Variants in NTRK2 observed in about 807,000 individuals in gnomAD.
The protein encoded by NTRK2 is BDNF/NT-3 growth factors receptor.
NTRK2 carries 13 observed loss-of-function variants against 94.5 expected under a neutral mutation model. That is an observed-to-expected ratio of 0.14 (90% CI 0.09 to 0.22). NTRK2 has a LOEUF of 0.22. Among genes scored for constraint, NTRK2 ranks in the 10% least tolerant of loss-of-function variants. NTRK2 has a pLI of 1.00. For missense variants in NTRK2, 639 were observed against 1,071.2 expected, an observed-to-expected ratio of 0.60 and a Z score of 5.63; for synonymous variants, 372 against 407.4, an observed-to-expected ratio of 0.91 and a Z score of 1.05.
At chr9:84,838,980 C>G (rs1052791509) in intron 12 of NTRK2, among the ~76,000 whole-genome samples, 1 of 151,680 alleles carries the variant, frequency 6.6e-6, no homozygotes, top group Admixed American at 6.6e-5. Flanking sequence ...TGCACAAAGG[C>G]CTTGGGAGGT....
At chr9:84,709,762 G>A (rs1000713256) in intron 5 of NTRK2, among the ~76,000 whole-genome samples, 1 of 152,180 alleles carries the variant, frequency 6.6e-6, no homozygotes, top group Non-Finnish European at 1.5e-5. Flanking sequence ...AGGCCACTGA[G>A]TATTACAAAT....
chr9:84,703,386 T>G (rs1188714847), intron 4 of NTRK2, among the ~76,000 whole-genome samples: 3 of 152,232 alleles, frequency 2.0e-5, no homozygotes, highest in Non-Finnish European at 4.4e-5. Flanking sequence ...GTGAGAGAGT[T>G]CTAGGACTTG....
chr9:84,916,356 G>A (rs1221331191), intron 14 of NTRK2, among the ~76,000 whole-genome samples: 1 of 152,106 alleles, frequency 6.6e-6, no homozygotes, highest in Admixed American at 6.5e-5. Context: ...AGAGGAAAAT[G>A]TTAGTCAACA....
At chr9:84,878,112 G>T (rs552087160) in intron 14 of NTRK2, among the ~76,000 whole-genome samples, 29 of 152,286 alleles carry the variant, frequency 1.9e-4, no homozygotes, top group Admixed American at 1.2e-3. Flanking sequence ...AGGCAAGAAT[G>T]TCACTTGCTT....
intron 2 of NTRK2, among the ~76,000 whole-genome samples, chr9:84,689,145 A>G (rs1402098568): frequency 6.6e-6 from 1 of 152,244 alleles, no homozygotes; most frequent in Non-Finnish European, 1.5e-5. Flanking sequence ...ATCTTCAAAT[A>G]TGATTCAGAG....
At chr9:84,935,746 A>G (rs1258778828) in intron 15 of NTRK2, among the ~76,000 whole-genome samples, 1 of 152,156 alleles carries the variant, frequency 6.6e-6, no homozygotes, top group African/African-American at 2.4e-5. Context: ...TTTTGCTATT[A>G]CTTCCTCTTT....
At position 85,001,620 on chromosome 9, in the gene NTRK2, G is replaced by T. The variant is rs550374049; in HGVS notation, c.2173-18586G>T. Among the ~76,000 whole-genome samples, 74 of 152,364 alleles carry T rather than the reference G, an allele frequency of 4.9e-4. 1 individual carries two copies. In the South Asian group the frequency reaches 0.015, roughly 30 times the overall value. Reference sequence around the variant, plus strand: ...GCAGAGAGAGGGAGAAAGGATGAGAGTTAATTACCTGTCTTCTGGAACATT... The same window carrying T: ...GCAGAGAGAGGGAGAAAGGATGAGATTTAATTACCTGTCTTCTGGAACATT... On this transcript the variant is annotated intron_variant, in intron 17 of 18. Coordinates refer to ENST00000277120, the MANE Select transcript of NTRK2 (RefSeq NM_006180.6).
At chr9:84,749,931 A>C (rs994850375) in intron 11 of NTRK2, among the ~76,000 whole-genome samples, 5 of 152,146 alleles carry the variant, frequency 3.3e-5, no homozygotes, top group Non-Finnish European at 4.4e-5. Context: ...AAAACAACAA[A>C]GTTTTCTTTC....
chr9:84,699,552 C>T (rs922479275), intron 2 of NTRK2, among the ~76,000 whole-genome samples: 5 of 151,992 alleles, frequency 3.3e-5, no homozygotes, highest in Non-Finnish European at 5.9e-5. Flanking sequence ...GCTTAATTGG[C>T]TCATTTTCAT....
chr9:84,990,690 C>T (rs1226354007), intron 17 of NTRK2, among the ~76,000 whole-genome samples: 2 of 152,210 alleles, frequency 1.3e-5, no homozygotes, highest in Non-Finnish European at 2.9e-5. Context: ...GAGAACTAAA[C>T]ACCCCTTTGA....
intron 12 of NTRK2, among the ~76,000 whole-genome samples, chr9:84,856,238 T>C (rs896392315): frequency 1.3e-5 from 2 of 152,172 alleles, no homozygotes; most frequent in Non-Finnish European, 1.5e-5. Flanking sequence ...TGTGTCATGA[T>C]TTCCAGAACC....
At chr9:84,751,371 G>A (rs1326638835) in intron 11 of NTRK2, among the ~76,000 whole-genome samples, 1 of 152,096 alleles carries the variant, frequency 6.6e-6, no homozygotes, top group Non-Finnish European at 1.5e-5. Context: ...CTTGAGCCCG[G>A]GATTTCAACA....
At chr9:84,902,568 A>G (rs1362504343) in intron 14 of NTRK2, among the ~76,000 whole-genome samples, 1 of 152,238 alleles carries the variant, frequency 6.6e-6, no homozygotes. Flanking sequence ...AAATACATAC[A>G]TAAACATGTA....
intron 12 of NTRK2, among the ~76,000 whole-genome samples, chr9:84,858,035 G>C (rs1309703104): frequency 6.6e-6 from 1 of 152,040 alleles, no homozygotes; most frequent in Non-Finnish European, 1.5e-5. Flanking sequence ...CACATACTTA[G>C]TTGTCCAAAT....
chr9:84,794,396 C>T (rs1443444), intron 12 of NTRK2, among the ~76,000 whole-genome samples: 77,203 of 152,008 alleles, frequency 0.51, 23,274 homozygotes, highest in East Asian at 0.67. Flanking sequence ...AGAGAGGAAA[C>T]AGGATTAAAA....
chr9:85,004,680 T>G (rs1490905866), intron 17 of NTRK2, among the ~76,000 whole-genome samples: 1 of 152,144 alleles, frequency 6.6e-6, no homozygotes, highest in Non-Finnish European at 1.5e-5. Context: ...AGAATGCCAG[T>G]TGATCATCAT....
chr9:84,926,169 C>CCTTCCTTTCTTTCTTT (rs2077790007), intron 14 of NTRK2, among the ~76,000 whole-genome samples: 1 of 38,560 alleles, frequency 2.6e-5, no homozygotes, highest in Admixed American at 3.1e-4. Flanking sequence ...TTCCTTCCTT[C>CCTTCCTTTCTTTCTTT]CTTTCTTTCT....
At chr9:84,750,378 C>G (rs76865495) in intron 11 of NTRK2, among the ~76,000 whole-genome samples, 2,784 of 152,230 alleles carry the variant, frequency 0.018, 82 homozygotes, top group African/African-American at 0.063. Context: ...TAACCACAAG[C>G]AAGCCAGGAA....
intron 14 of NTRK2, among the ~76,000 whole-genome samples, chr9:84,902,813 A>G (rs1037354560): frequency 1.3e-5 from 2 of 152,156 alleles, no homozygotes; most frequent in African/African-American, 2.4e-5. Flanking sequence ...TTCTGCTTCT[A>G]TGAACTCCAT....
Sources: gnomAD v4.1 joint callset for allele counts (sites outside exome capture counted in the v4.1 genomes callset) on GRCh38, gnomAD v4.1.1 for gene constraint, MANE v1.5 for transcripts, NCBI Gene and HGNC (gene_info 2026-07-23, HGNC 2026-07-21) for gene names.